The following PEAK1 variants were observed in gnomAD, a reference collection of about 807,000 sequenced individuals.
PEAK1 encodes pseudopodium enriched atypical kinase 1.
In PEAK1, 54 loss-of-function variants were observed where a neutral mutation model predicts 124.7. The ratio of observed to expected loss-of-function variants is 0.43; its 90% CI spans 0.35 to 0.54. PEAK1 has a LOEUF of 0.54. Among genes scored for constraint, PEAK1 ranks in the 20% least tolerant of loss-of-function variants. The pLI is 0.01. For synonymous variants in PEAK1, 719 were observed against 760.0 expected, an observed-to-expected ratio of 0.95 and a Z score of 0.89; for missense variants, 2,046 against 2,134.5, an observed-to-expected ratio of 0.96 and a Z score of 0.82.
intron 2 of PEAK1, among the ~76,000 whole-genome samples, chr15:77,313,221 G>A (rs1219107002): frequency 2.6e-5 from 4 of 152,072 alleles, no homozygotes; most frequent in Non-Finnish European, 2.9e-5. Flanking sequence ...AGGGGCGCAG[G>A]AGGCAACTGA....
intron 5 of PEAK1, among the ~76,000 whole-genome samples, chr15:77,261,795 G>A (rs1014512100): frequency 6.6e-6 from 1 of 152,074 alleles, no homozygotes. Flanking sequence ...GCAACTCTAA[G>A]ACACATAATT....
At chr15:77,195,699 G>A (rs898102960) in intron 6 of PEAK1, among the ~76,000 whole-genome samples, 1 of 152,162 alleles carries the variant, frequency 6.6e-6, no homozygotes, top group Non-Finnish European at 1.5e-5. Flanking sequence ...TTTAATTGGT[G>A]TGCACCATTC....
At chr15:77,316,915 T>TA (rs1049179196) in intron 2 of PEAK1, among the ~76,000 whole-genome samples, 5 of 151,520 alleles carry the variant, frequency 3.3e-5, no homozygotes, top group African/African-American at 4.8e-5. Flanking sequence ...CTGTCTCTAC[T>TA]AAAAAAAATA....
intron 1 of PEAK1, among the ~76,000 whole-genome samples, chr15:77,372,549 T>C (rs2068717670): frequency 6.6e-6 from 1 of 152,220 alleles, no homozygotes. Flanking sequence ...ACACTCTTAC[T>C]CTATGAATGC....
intron 2 of PEAK1, chr15:77,336,219 T>C (rs1481756667): frequency 1.0e-6 from 1 of 985,316 alleles, no homozygotes; most frequent in African/African-American, 1.7e-5. Flanking sequence ...GCCTCATTCA[T>C]GTTTGCATTC....
intron 2 of PEAK1, chr15:77,350,907 A>G (rs1449196587): frequency 1.3e-5 from 13 of 985,282 alleles, no homozygotes; most frequent in Non-Finnish European, 1.4e-5. Context: ...TACTACAAAC[A>G]TGGCCCTCTA....
intron 6 of PEAK1, among the ~76,000 whole-genome samples, chr15:77,211,199 A>T (rs1024708129): frequency 3.3e-5 from 5 of 152,186 alleles, no homozygotes; most frequent in Admixed American, 6.5e-5. Context: ...AAGTACTTAA[A>T]ATTGGCCCAT....
intron 5 of PEAK1, among the ~76,000 whole-genome samples, chr15:77,256,783 A>G (rs1054546859): frequency 8.6e-5 from 13 of 152,024 alleles, no homozygotes; most frequent in African/African-American, 2.9e-4. Context: ...TGTGCAGGTT[A>G]CTTACATATG....
At chr15:77,299,973 C>T (rs911055929) in intron 2 of PEAK1, among the ~76,000 whole-genome samples, 1 of 152,180 alleles carries the variant, frequency 6.6e-6, no homozygotes, top group Middle Eastern at 3.2e-3. Flanking sequence ...GTGAGTGCCC[C>T]TTCAAGGTGG....
chr15:77,240,153 T>A (rs2060291373), intron 6 of PEAK1, among the ~76,000 whole-genome samples: 1 of 152,240 alleles, frequency 6.6e-6, no homozygotes, highest in Non-Finnish European at 1.5e-5. Context: ...TAAATGCTCA[T>A]ATCTTTATCA....
chr15:77,302,086 G>T (rs936888198), intron 2 of PEAK1, among the ~76,000 whole-genome samples: 1 of 151,756 alleles, frequency 6.6e-6, no homozygotes, highest in South Asian at 2.1e-4. Context: ...CTGTCACTCC[G>T]GAGGCTCCAT....
chr15:77,212,815 T>C (rs1171198013), intron 6 of PEAK1, among the ~76,000 whole-genome samples: 1 of 152,230 alleles, frequency 6.6e-6, no homozygotes. Flanking sequence ...TATAGAGTGA[T>C]ATGAGAAACA....
At chr15:77,174,777 A>G (rs1269580998) in intron 7 of PEAK1, among the ~76,000 whole-genome samples, 1 of 152,192 alleles carries the variant, frequency 6.6e-6, no homozygotes, top group East Asian at 1.9e-4. Context: ...AAACCAAAAA[A>G]GAGCCCGCAT....
At chr15:77,217,043 C>T (rs949110383) in intron 6 of PEAK1, among the ~76,000 whole-genome samples, 1 of 151,600 alleles carries the variant, frequency 6.6e-6, no homozygotes, top group African/African-American at 2.4e-5. Flanking sequence ...TCAGCCTGGG[C>T]AACATAGGGA....
chr15:77,338,374 T>G (rs893751604), intron 2 of PEAK1, among the ~76,000 whole-genome samples: 1 of 152,168 alleles, frequency 6.6e-6, no homozygotes, highest in African/African-American at 2.4e-5. Flanking sequence ...CACCTTGAAT[T>G]GCACAGATTA....
intron 1 of PEAK1, chr15:77,402,355 A>G: frequency 1.0e-6 from 1 of 985,364 alleles, no homozygotes; most frequent in Non-Finnish European, 1.2e-6. Flanking sequence ...AAAAGAGGCA[A>G]GTTCCTTCTT....
rs375301402 is a variant in PEAK1 at position 77,180,727 on chromosome 15, T to G, written c.1200A>C (p.Ser400=). Reference sequence around the variant, plus strand: ...CTTTTATTGAGCTTTTGGAAGCCTGTGATGAATCTTTATCCTGATTATTAC... The same window carrying G: ...CTTTTATTGAGCTTTTGGAAGCCTGGGATGAATCTTTATCCTGATTATTAC... ...PSSNNQDKDS[S]QASKSSIKVP... Residue 400 remains serine, a synonymous_variant, in exon 7 of 10, where the codon TCA becomes TCC. Coordinates refer to ENST00000682557, the MANE Select transcript of PEAK1 (RefSeq NM_001385026.1). 22 of 1,613,970 alleles carry G rather than the reference T, an allele frequency of 1.4e-5. No individual in the cohort carries two copies. Among genetic ancestry groups the G allele is most frequent in the Non-Finnish European group, 1.8e-5 (21 of 1,179,994 alleles).
chr15:77,234,081 G>A (rs1008990817), intron 6 of PEAK1, among the ~76,000 whole-genome samples: 3 of 152,088 alleles, frequency 2.0e-5, no homozygotes, highest in Non-Finnish European at 4.4e-5. Flanking sequence ...GCCCTGGCTG[G>A]TCTTGAACTC....
At chr15:77,232,312 G>C (rs924183086) in intron 6 of PEAK1, among the ~76,000 whole-genome samples, 1 of 132,832 alleles carries the variant, frequency 7.5e-6, no homozygotes, top group African/African-American at 2.7e-5. Flanking sequence ...ACAGTGTCAG[G>C]AAACACACAC....
Sources: gnomAD v4.1 joint callset for allele counts (sites outside exome capture counted in the v4.1 genomes callset) on GRCh38, gnomAD v4.1.1 for gene constraint, MANE v1.5 for transcripts, NCBI Gene and HGNC (gene_info 2026-07-23, HGNC 2026-07-21) for gene names.